H2BC18: variants seen among roughly 807,000 people sequenced by gnomAD.
The protein encoded by H2BC18 is histone H2B type 2-F.
Under a neutral mutation model 6.3 loss-of-function variants are expected in H2BC18, and 8 were observed. The ratio of observed to expected loss-of-function variants is 1.28; its 90% CI spans 0.75 to 2.31. H2BC18 has a LOEUF of 2.31. Ranked by LOEUF, H2BC18 falls within the 30% of genes most tolerant of loss-of-function variation. H2BC18 has a pLI of 0.00. For missense variants in H2BC18, 106 were observed against 174.5 expected (o/e 0.61, Z 2.21); for synonymous variants, 104 against 78.1 (o/e 1.33, Z -1.75).
At chr1:149,810,357 TGACTA>T (rs1377383160), downstream of H2BC18, 2 of 151,914 alleles carry the variant, frequency 1.3e-5, no homozygotes, top group African/African-American at 4.8e-5. Flanking sequence ...CAGAAAAAGA[TGACTA>T]AACTGGGAAT....
rs782409144 is a variant in H2BC18, at chr1:149,812,126, G to T, written c.198C>A (p.Phe66Leu). ...CGATGCGCTCGAAGATGTCGTTGAC[G>T]AAGGAGTTCATGATGCCCATGGCCT... is the stretch of plus-strand genomic sequence containing the variant. ...SSKAMGIMNS[F>L]VNDIFERIAG... Residue 66 changes from phenylalanine (F) to leucine (L), a missense_variant, in exon 1 of 1, where the codon TTC (phenylalanine) becomes TTA (leucine). Phe to Leu is a conservative substitution (Grantham distance 22). Around this residue, in one of 3 missense-constraint regions of H2BC18, gnomAD observed 35 missense variants for 72.3 expected, o/e 0.48. Transcript: ENST00000369167. 6.2e-7 allele frequency: 1 copy of T among 1,614,280 alleles called. No homozygotes were observed. The highest frequency in any genetic ancestry group is 1.1e-5 in the South Asian group (1 of 91,088).
chr1:149,810,886 C>G (rs2091965303), downstream of H2BC18: 1 of 152,200 alleles, frequency 6.6e-6, no homozygotes, highest in African/African-American at 2.4e-5. Flanking sequence ...CTAGCTGAAT[C>G]AGGAAACCTC....
In H2BC18 at chr1:149,792,625, G is replaced by C. The variant is rs587694196; in HGVS notation, c.378-9365C>G. 2,910 of 1,250,812 alleles carry C rather than the reference G, an allele frequency of 2.3e-3. 100 individuals are homozygous for C. Among genetic ancestry groups the C allele is most frequent in the Non-Finnish European group, 2.8e-3 (2,735 of 971,676 alleles). 77.5% of individuals were successfully genotyped at this position (1,250,812 alleles called of 1,614,324 possible). On this transcript the variant is annotated intron_variant, in intron 1 of 1. Transcript: ENST00000545683. ...GGGCCCCTGGCGCCACACTGTGGCC[G>C]CATGTGCATATTGCAGCCTCCGCCT...
intron 1 of H2BC18, chr1:149,786,430 G>A (rs2091551629): frequency 6.6e-6 from 1 of 152,116 alleles, no homozygotes; most frequent in South Asian, 2.1e-4. Flanking sequence ...AACAAGACTT[G>A]TTAATTTTAC....
intron 1 of H2BC18, chr1:149,805,262 G>A (rs2091907383): frequency 6.6e-6 from 1 of 152,086 alleles, no homozygotes; most frequent in Non-Finnish European, 1.5e-5. Context: ...GGACTTACCA[G>A]AGCTAAGTTC....
intron 1 of H2BC18, among the ~76,000 whole-genome samples, chr1:149,800,922 T>C (rs5011220): frequency 5.3e-5 from 8 of 152,110 alleles, no homozygotes; most frequent in East Asian, 1.9e-4. Context: ...CCCATCTCTA[T>C]AAAAAATACA....
At chr1:149,803,316 C>G (rs1330610038) in intron 1 of H2BC18, among the ~76,000 whole-genome samples, 2 of 152,092 alleles carry the variant, frequency 1.3e-5, no homozygotes, top group African/African-American at 2.4e-5. Flanking sequence ...TAGGTATATT[C>G]TATTCCTAGG....
At chr1:149,786,710 G>C (rs1553750876) in intron 1 of H2BC18, 1 of 152,098 alleles carries the variant, frequency 6.6e-6, no homozygotes, top group African/African-American at 2.4e-5. Flanking sequence ...CGTGAGTTTT[G>C]ATATATAATA....
chr1:149,803,336 C>T (rs1462734721), intron 1 of H2BC18, among the ~76,000 whole-genome samples: 4 of 152,104 alleles, frequency 2.6e-5, no homozygotes, highest in African/African-American at 7.2e-5. Context: ...GTGTTTAAAA[C>T]ACTAATATTA....
intron 1 of H2BC18, among the ~76,000 whole-genome samples, chr1:149,789,203 A>G (rs1321670210): frequency 1.3e-5 from 2 of 151,666 alleles, no homozygotes. Context: ...GAAAGAAATT[A>G]TTGTCCCAGA....
chr1:149,806,993 C>T (rs1553753942), downstream of H2BC18, among the ~76,000 whole-genome samples: 1 of 151,874 alleles, frequency 6.6e-6, no homozygotes, highest in African/African-American at 2.4e-5. Flanking sequence ...AAAAAGTGTA[C>T]TCTAGCTGCT....
chr1:149,791,361 G>A (rs1297720586), intron 1 of H2BC18: 1 of 1,580,896 alleles, frequency 6.3e-7, no homozygotes, highest in Non-Finnish European at 8.6e-7. Flanking sequence ...AGAAAAAGTG[G>A]GATTTAGAAA....
chr1:149,796,507 A>G (rs1553752804), intron 1 of H2BC18, among the ~76,000 whole-genome samples: 37 of 152,356 alleles, frequency 2.4e-4, no homozygotes, highest in Non-Finnish European at 1.5e-5. Flanking sequence ...TACTTCGAAG[A>G]GGAGAAATGA....
At chr1:149,811,688 G>A, downstream of H2BC18, 1 of 591,282 alleles carries the variant, frequency 1.7e-6, no homozygotes, top group Non-Finnish European at 3.0e-6. Context: ...CAAACCTTTC[G>A]AATCTCGTAG....
At chr1:149,804,697 A>G (rs1318212400) in intron 1 of H2BC18, among the ~76,000 whole-genome samples, 2 of 152,202 alleles carry the variant, frequency 1.3e-5, no homozygotes, top group African/African-American at 2.4e-5. Flanking sequence ...TAATCTTCAT[A>G]TCAAGCCTAG....
intron 1 of H2BC18, among the ~76,000 whole-genome samples, chr1:149,793,371 G>A (rs2091761399): frequency 6.6e-6 from 1 of 151,926 alleles, no homozygotes; most frequent in Non-Finnish European, 1.5e-5. Flanking sequence ...GGATCAGCAA[G>A]CCAGCGGGCA....
At chr1:149,799,749 A>T (rs1362435506) in intron 1 of H2BC18, among the ~76,000 whole-genome samples, 6 of 152,100 alleles carry the variant, frequency 3.9e-5, no homozygotes, top group African/African-American at 1.4e-4. Flanking sequence ...TCATCTCTGC[A>T]TGCATCTTTT....
At chr1:149,810,332 CT>C (rs1188483309), downstream of H2BC18, 2 of 151,822 alleles carry the variant, frequency 1.3e-5, no homozygotes, top group Non-Finnish European at 2.9e-5. Context: ...TTTCCCTGAC[CT>C]CTTGTCTGGT....
intron 1 of H2BC18, chr1:149,785,859 G>C (rs1268771294): frequency 6.6e-6 from 1 of 151,816 alleles, no homozygotes; most frequent in Admixed American, 6.6e-5. Context: ...TAGGTTTTTT[G>C]CCTATTTTTG....
Sources: gnomAD v4.1 joint callset for allele counts (sites outside exome capture counted in the v4.1 genomes callset) on GRCh38, gnomAD v4.1.1 for gene constraint, gnomAD v4.1.1 regional missense constraint, MANE v1.5 for transcripts, NCBI Gene and HGNC (gene_info 2026-07-23, HGNC 2026-07-21) for gene names.